The following AGXT2 variants were observed in gnomAD, a reference collection of about 807,000 sequenced individuals.
AGXT2 encodes the protein alanine--glyoxylate aminotransferase 2, mitochondrial.
A neutral mutation model predicts 62.5 loss-of-function variants in AGXT2; 61 were observed. That is an observed-to-expected ratio of 0.98 (90% CI 0.79 to 1.21). The LOEUF is 1.21. Among genes scored for constraint, AGXT2 ranks in the 50% most tolerant of loss-of-function variants. The pLI is 0.00. For synonymous variants in AGXT2, 243 were observed against 218.7 expected, an observed-to-expected ratio of 1.11 and a Z score of -0.98; for missense variants, 666 against 641.5, an observed-to-expected ratio of 1.04 and a Z score of -0.41.
intron 5 of AGXT2, among the ~76,000 whole-genome samples, chr5:35,034,740 C>T (rs1767701629): frequency 6.6e-6 from 1 of 152,196 alleles, no homozygotes; most frequent in Non-Finnish European, 1.5e-5. Flanking sequence ...GTTATATGTT[C>T]ATCCTCTGAA....
intron 7 of AGXT2, chr5:35,026,841 T>C (rs1441142843): frequency 1.0e-6 from 1 of 985,098 alleles, no homozygotes; most frequent in African/African-American, 1.7e-5. Context: ...AGGATGCCCG[T>C]CCTCTCAAAC....
intron 1 of AGXT2, among the ~76,000 whole-genome samples, chr5:35,046,853 A>G (rs1300935155): frequency 2.6e-5 from 4 of 152,196 alleles, no homozygotes; most frequent in Non-Finnish European, 5.9e-5. Flanking sequence ...TCATGTTTGC[A>G]TGAGGGAATT....
intron 2 of AGXT2, among the ~76,000 whole-genome samples, chr5:35,040,024 A>G (rs1255247191): frequency 6.6e-6 from 1 of 152,030 alleles, no homozygotes; most frequent in Admixed American, 6.6e-5. Context: ...CGAATAAAGG[A>G]GTTGCCGTGT....
intron 3 of AGXT2, among the ~76,000 whole-genome samples, chr5:35,037,456 G>A (rs1370602569): frequency 6.6e-6 from 1 of 152,050 alleles, no homozygotes; most frequent in African/African-American, 2.4e-5. Context: ...TTTTTCTAAA[G>A]AAGAAGAGAT....
chr5:35,046,454 T>A (rs1768211850), intron 1 of AGXT2, among the ~76,000 whole-genome samples: 1 of 152,210 alleles, frequency 6.6e-6, no homozygotes, highest in African/African-American at 2.4e-5. Context: ...CAGGGCCTGG[T>A]AGAATCTCTT....
chr5:35,042,736 CTGTGTGTG>C lies in AGXT2; in HGVS notation c.89-2081_89-2074del, dbSNP rs66463119. Reference sequence around the variant, plus strand: ...TATGTGTATATATGCATATGCATACCTGTGTGTGTGTGTGTGTGTGTGTGTGTGTGTGT... The same window carrying C: ...TATGTGTATATATGCATATGCATACCTGTGTGTGTGTGTGTGTGTGTGTGT... On this transcript the variant is annotated intron_variant, in intron 1 of 13. Transcript: ENST00000231420. 5.8e-3 allele frequency among the ~76,000 whole-genome samples: 820 copies of C among 142,470 alleles called. 5 individuals are homozygous for C. Among genetic ancestry groups the C allele is most frequent in the African/African-American group, 0.017 (672 of 38,666 alleles). 93.5% of individuals were successfully genotyped at this position (142,470 alleles called of 152,430 possible).
At position 34,998,325 on chromosome 5, in the gene AGXT2, C is replaced by T. The variant is rs941658810; in HGVS notation, c.*394G>A. 10 of 280,876 alleles carry T rather than the reference C, an allele frequency of 3.6e-5. No individual in the cohort carries two copies. The highest frequency in any genetic ancestry group is 5.4e-5 in the Non-Finnish European group (8 of 147,622). The allele number at this position is 280,876 out of a possible 1,614,324, so 17.4% of individuals were successfully genotyped here. A position where few individuals can be genotyped will look rare whatever the true frequency, so the allele number is the denominator to read the frequency against. On this transcript the variant is annotated 3_prime_UTR_variant, in exon 14 of 14. Coordinates refer to ENST00000231420, the MANE Select transcript of AGXT2 (RefSeq NM_031900.4). ...TTCTCAGCGCAACAAGAAGACATCT[C>T]TTCTTGAACTGAAGAGTGAGGGTGA...
At chr5:35,038,550 C>T (rs1475680497) in intron 3 of AGXT2, among the ~76,000 whole-genome samples, 1 of 152,120 alleles carries the variant, frequency 6.6e-6, no homozygotes, top group Admixed American at 6.5e-5. Flanking sequence ...GGCTGGGCCC[C>T]TGAGGCACAC....
At chr5:35,045,372 T>C (rs1329263700) in intron 1 of AGXT2, among the ~76,000 whole-genome samples, 8 of 152,186 alleles carry the variant, frequency 5.3e-5, no homozygotes, top group African/African-American at 1.9e-4. Context: ...CCAGATTTGG[T>C]TTTATTCATG....
chr5:35,004,662 C>T (rs1292038488), intron 12 of AGXT2, among the ~76,000 whole-genome samples: 1 of 152,226 alleles, frequency 6.6e-6, no homozygotes, highest in African/African-American at 2.4e-5. Flanking sequence ...CTAGGCCAAT[C>T]AAATTAGAAT....
intron 10 of AGXT2, among the ~76,000 whole-genome samples, chr5:35,013,405 T>A (rs973035587): frequency 6.6e-6 from 1 of 152,210 alleles, no homozygotes; most frequent in African/African-American, 2.4e-5. Flanking sequence ...TCTCTCCCTC[T>A]TCCATATACC....
intron 8 of AGXT2, 110 bp from the exon 9 acceptor site, chr5:35,025,965 AT>A (rs1767327693): frequency 2.2e-6 from 2 of 897,966 alleles, no homozygotes; most frequent in Non-Finnish European, 3.6e-6. Flanking sequence ...AACACTAGCA[AT>A]TTTAACAACA....
At chr5:35,028,593 GA>G (rs1767450340) in intron 7 of AGXT2, among the ~76,000 whole-genome samples, 3 of 149,510 alleles carry the variant, frequency 2.0e-5, no homozygotes, top group Non-Finnish European at 4.5e-5. Context: ...GAGAGAGAGA[GA>G]GAGAGAGAGA....
In AGXT2 at chr5:35,010,019, A is replaced by T. The variant is rs370870851; in HGVS notation, c.1319T>A (p.Ile440Lys). The change falls in exon 12 of 14, where the codon ATA (isoleucine) becomes AAA (lysine). Residue 440 changes from isoleucine to lysine, a missense_variant. Transcript: ENST00000231420. ...DVRGKGLMIGIEMVQDKISCR... is the reference protein window; with the variant it reads ...DVRGKGLMIGKEMVQDKISCR... The stretch of plus-strand genomic sequence containing the variant: ...ACCTACCTTATCCTGCACCATTTCT[A>T]TGCCTATCATGAGACCTTTGCCTCG... The T allele has an allele frequency of 6.2e-7, 1 of 1,614,074 alleles. No homozygotes were observed. The highest frequency in any genetic ancestry group is 1.1e-5 in the South Asian group (1 of 91,090).
At chr5:35,046,679 A>AG (rs1345946621) in intron 1 of AGXT2, among the ~76,000 whole-genome samples, 1 of 152,206 alleles carries the variant, frequency 6.6e-6, no homozygotes, top group Non-Finnish European at 1.5e-5. Flanking sequence ...TGCAATTTTC[A>AG]GGGGTAAGAA....
At chr5:35,043,405 G>A (rs1333322920) in intron 1 of AGXT2, among the ~76,000 whole-genome samples, 10 of 152,168 alleles carry the variant, frequency 6.6e-5, no homozygotes, top group Admixed American at 6.5e-4. Context: ...GTCTGGCTCT[G>A]TTGCCCAATG....
intron 9 of AGXT2, 79 bp from the exon 10 acceptor site, chr5:35,014,198 A>G: frequency 6.3e-7 from 1 of 1,588,832 alleles, no homozygotes. Context: ...TCACACCTGT[A>G]ATCCCAGCAC....
intron 9 of AGXT2, among the ~76,000 whole-genome samples, chr5:35,017,597 C>T (rs1766893262): frequency 6.6e-6 from 1 of 152,180 alleles, no homozygotes; most frequent in South Asian, 2.1e-4. Context: ...GTTAGGCCTC[C>T]CCAACCACAT....
At chr5:35,031,073 A>C (rs149435403) in intron 7 of AGXT2, among the ~76,000 whole-genome samples, 4 of 152,248 alleles carry the variant, frequency 2.6e-5, no homozygotes, top group Admixed American at 2.6e-4. Flanking sequence ...TCTTGACTTC[A>C]TGCAGCTCCT....
Sources: gnomAD v4.1 joint callset for allele counts (sites outside exome capture counted in the v4.1 genomes callset) on GRCh38, gnomAD v4.1.1 for gene constraint, MANE v1.5 for transcripts, NCBI Gene and HGNC (gene_info 2026-07-23, HGNC 2026-07-21) for gene names.